The following NAALADL2 variants were observed in gnomAD, a reference collection of about 807,000 sequenced individuals.
NAALADL2 encodes the protein N-acetylated alpha-linked acidic dipeptidase like 2.
Under a neutral mutation model 87.2 loss-of-function variants are expected in NAALADL2, and 76 were observed. That is an observed-to-expected ratio of 0.87 (90% CI 0.72 to 1.05). The LOEUF is 1.05. Among genes scored for constraint, NAALADL2 ranks in the 50% least tolerant of loss-of-function variants. The probability of loss-of-function intolerance (pLI) is 0.00; values close to 1 mark genes in which losing one functional copy is unlikely to be tolerated. For synonymous variants in NAALADL2, 354 were observed against 331.0 expected, an observed-to-expected ratio of 1.07 and a Z score of -0.75; for missense variants, 1,089 against 945.8, an observed-to-expected ratio of 1.15 and a Z score of -1.99.
At chr3:175,226,562 C>G (rs1422340949) in intron 2 of NAALADL2, among the ~76,000 whole-genome samples, 3 of 152,092 alleles carry the variant, frequency 2.0e-5, no homozygotes, top group Admixed American at 6.6e-5. Flanking sequence ...CTAGGACGTT[C>G]AACATCTTGA....
chr3:174,702,461 G>GAACAAACAGATTTAAT (rs1578602647), intron 2 of NAALADL2, among the ~76,000 whole-genome samples: 1 of 152,146 alleles, frequency 6.6e-6, no homozygotes, highest in East Asian at 1.9e-4. Context: ...TCAATCAGCA[G>GAACAAACAGATTTAAT]GTACAAAAAA....
At chr3:175,705,808 A>G (rs1020416063) in intron 11 of NAALADL2, among the ~76,000 whole-genome samples, 2 of 152,064 alleles carry the variant, frequency 1.3e-5, no homozygotes, top group Non-Finnish European at 2.9e-5. Flanking sequence ...CTTGACCCAG[A>G]CCCAGATCAT....
Position 175,130,086 on chromosome 3 carries a change from G to T in NAALADL2, c.545+32795G>T, listed in dbSNP as rs559164353. ...ATGTTGTATACGTTTTCATATACTTGTTGGCCATTTTTATATCTTTTTTGG... is the reference window on the plus strand; with the variant it reads ...ATGTTGTATACGTTTTCATATACTTTTTGGCCATTTTTATATCTTTTTTGG... On this transcript the variant is annotated intron_variant, in intron 2 of 13. Coordinates refer to ENST00000454872, the MANE Select transcript of NAALADL2 (RefSeq NM_207015.3). Among the ~76,000 whole-genome samples the T allele has an allele frequency of 1.2e-3, 177 of 152,192 alleles. 1 individual carries two copies. Among genetic ancestry groups the T allele is most frequent in the African/African-American group, 4.0e-3 (168 of 41,530 alleles).
intron 3 of NAALADL2, among the ~76,000 whole-genome samples, chr3:174,752,183 G>C (rs936909055): frequency 5.9e-5 from 9 of 151,920 alleles, no homozygotes; most frequent in African/African-American, 2.2e-4. Context: ...CACCGTTTTA[G>C]CCAGGATGGT....
chr3:175,752,577 G>C (rs1237375300), intron 12 of NAALADL2, among the ~76,000 whole-genome samples: 1 of 152,074 alleles, frequency 6.6e-6, no homozygotes, highest in East Asian at 1.9e-4. Flanking sequence ...TGAAAATAGA[G>C]CTACTTTTCA....
chr3:174,914,802 A>G (rs955492337), intron 1 of NAALADL2, among the ~76,000 whole-genome samples: 10 of 152,210 alleles, frequency 6.6e-5, no homozygotes, highest in Admixed American at 4.6e-4. Flanking sequence ...GAGACAAAAC[A>G]AATTTGATGA....
chr3:174,652,893 A>T (rs987386825), intron 2 of NAALADL2, among the ~76,000 whole-genome samples: 1 of 152,192 alleles, frequency 6.6e-6, no homozygotes. Context: ...CCAATGGAAA[A>T]ATAGGCAAAA....
chr3:175,593,220 C>G (rs1001285204), intron 10 of NAALADL2, among the ~76,000 whole-genome samples: 1 of 152,060 alleles, frequency 6.6e-6, no homozygotes, highest in Non-Finnish European at 1.5e-5. Flanking sequence ...CCCATGTGTT[C>G]TCATTGAACA....
At chr3:175,775,488 AAACT>A (rs1388936036) in intron 13 of NAALADL2, among the ~76,000 whole-genome samples, 2 of 152,096 alleles carry the variant, frequency 1.3e-5, no homozygotes, top group African/African-American at 4.8e-5. Flanking sequence ...ATGAACAAAC[AAACT>A]GCTATTTGCT....
chr3:175,066,811 G>A (rs887565078), intron 1 of NAALADL2, among the ~76,000 whole-genome samples: 9 of 152,050 alleles, frequency 5.9e-5, no homozygotes, highest in East Asian at 1.9e-4. Context: ...GTGAGATGTC[G>A]CTTGTGAACA....
At chr3:175,523,664 G>A (rs748006422) in intron 9 of NAALADL2, among the ~76,000 whole-genome samples, 2 of 152,194 alleles carry the variant, frequency 1.3e-5, no homozygotes, top group Non-Finnish European at 2.9e-5. Flanking sequence ...ACCCTGAGGC[G>A]TGTGGCCCCT....
chr3:174,832,243 T>C (rs1333258526), intron 3 of NAALADL2, among the ~76,000 whole-genome samples: 1 of 152,196 alleles, frequency 6.6e-6, no homozygotes, highest in East Asian at 1.9e-4. Context: ...CTTATGGGCA[T>C]TTAGTGCTAT....
intron 2 of NAALADL2, among the ~76,000 whole-genome samples, chr3:174,681,266 G>T (rs920237437): frequency 4.6e-5 from 7 of 152,158 alleles, no homozygotes; most frequent in Non-Finnish European, 8.8e-5. Flanking sequence ...AGTCTAAGCT[G>T]CAAGTGCTGT....
intron 13 of NAALADL2, among the ~76,000 whole-genome samples, chr3:175,770,500 C>T (rs28702648): frequency 2.0e-5 from 3 of 152,140 alleles, no homozygotes; most frequent in Non-Finnish European, 4.4e-5. Flanking sequence ...TTGGCTAATC[C>T]TAATGTAGAC....
intron 1 of NAALADL2, among the ~76,000 whole-genome samples, chr3:174,918,744 A>G (rs147129430): frequency 6.8e-4 from 103 of 152,308 alleles, no homozygotes; most frequent in African/African-American, 2.5e-3. Flanking sequence ...TTTTGGTCAC[A>G]GAAGTCACAA....
chr3:174,958,654 G>A (rs1453642885), intron 1 of NAALADL2, among the ~76,000 whole-genome samples: 2 of 152,020 alleles, frequency 1.3e-5, no homozygotes, highest in African/African-American at 4.8e-5. Context: ...AGTTGAAATA[G>A]CAAAACTGCC....
At chr3:174,677,165 A>T (rs1239301434) in intron 2 of NAALADL2, among the ~76,000 whole-genome samples, 3 of 151,980 alleles carry the variant, frequency 2.0e-5, no homozygotes, top group Non-Finnish European at 4.4e-5. Context: ...TTTGGCATTT[A>T]TAATTTCCTT....
chr3:175,532,592 A>G (rs746762611), intron 9 of NAALADL2, among the ~76,000 whole-genome samples: 19 of 152,188 alleles, frequency 1.2e-4, no homozygotes, highest in Non-Finnish European at 1.9e-4. Flanking sequence ...TATCAATTTT[A>G]CTTTTAGGAA....
intron 2 of NAALADL2, among the ~76,000 whole-genome samples, chr3:175,175,423 A>G (rs1735565092): frequency 1.3e-5 from 2 of 152,044 alleles, no homozygotes; most frequent in African/African-American, 2.4e-5. Context: ...TTTTAAAACA[A>G]TGTCCTTTGT....
Sources: gnomAD v4.1 joint callset for allele counts (sites outside exome capture counted in the v4.1 genomes callset) on GRCh38, gnomAD v4.1.1 for gene constraint, MANE v1.5 for transcripts, NCBI Gene and HGNC (gene_info 2026-07-23, HGNC 2026-07-21) for gene names.